Variants in NBAS observed in about 807,000 individuals in gnomAD.
NBAS encodes NBAS subunit of NRZ tethering complex.
In NBAS, 219 loss-of-function variants were observed where a neutral mutation model predicts 302.5. The observed-to-expected ratio is 0.72, with a 90% CI of 0.65 to 0.81. The LOEUF is 0.81. Ranked by LOEUF, NBAS falls within the 30% of genes least tolerant of loss-of-function variation. The pLI, the probability that NBAS is intolerant of heterozygous loss-of-function variation, is 0.00. For missense variants in NBAS, 2,932 were observed against 2,841.6 expected (o/e 1.03, Z -0.72); for synonymous variants, 1,118 against 1,021.6 (o/e 1.09, Z -1.80).
chr2:15,201,601 T>C (rs1665881800), intron 48 of NBAS, among the ~76,000 whole-genome samples: 1 of 152,224 alleles, frequency 6.6e-6, no homozygotes, highest in African/African-American at 2.4e-5. Flanking sequence ...TAGTCTGAAT[T>C]ATTGCTATTA....
At chr2:15,373,547 T>A (rs1674586122) in intron 31 of NBAS, among the ~76,000 whole-genome samples, 1 of 152,132 alleles carries the variant, frequency 6.6e-6, no homozygotes, top group Admixed American at 6.6e-5. Flanking sequence ...CCCAGGCTGG[T>A]CTCAAGCTTT....
At chr2:15,034,235 G>GGAAGGAAA in the NBAS span, among the ~76,000 whole-genome samples, 1 of 81,636 alleles carries the variant, frequency 1.2e-5, no homozygotes, top group African/African-American at 4.5e-5. Flanking sequence ...AAAGAAAGAA[G>GGAAGGAAA]GAAAGAAAGA....
chr2:15,031,780 G>C, the NBAS span, among the ~76,000 whole-genome samples: 1 of 152,218 alleles, frequency 6.6e-6, no homozygotes, highest in Non-Finnish European at 1.5e-5. Context: ...TACTGCACTG[G>C]GCGAGCAAGT....
the NBAS span, among the ~76,000 whole-genome samples, chr2:15,136,443 A>G: frequency 6.6e-6 from 1 of 152,216 alleles, no homozygotes; most frequent in Admixed American, 6.5e-5. Flanking sequence ...GTGATAGACA[A>G]TAGGTCAATG....
intron 11 of NBAS, among the ~76,000 whole-genome samples, chr2:15,500,272 A>T (rs1308924340): frequency 6.6e-6 from 1 of 152,190 alleles, no homozygotes; most frequent in African/African-American, 2.4e-5. Context: ...AACATTCTGA[A>T]GTACTACATA....
chr2:15,320,876 T>C (rs80137130), intron 38 of NBAS, among the ~76,000 whole-genome samples: 34,274 of 152,018 alleles, frequency 0.23, 4,033 homozygotes, highest in Middle Eastern at 0.4. Context: ...ACTTTCTTCA[T>C]AGAATTGGAA....
intron 48 of NBAS, among the ~76,000 whole-genome samples, chr2:15,195,344 G>A (rs1665567140): frequency 6.6e-6 from 1 of 152,176 alleles, no homozygotes; most frequent in Non-Finnish European, 1.5e-5. Flanking sequence ...CTCTCTTGCT[G>A]GGTAAACAAA....
intron 35 of NBAS, among the ~76,000 whole-genome samples, chr2:15,338,773 G>A (rs1672715830): frequency 6.6e-6 from 1 of 151,722 alleles, no homozygotes; most frequent in South Asian, 2.1e-4. Context: ...ACTTTGGGAG[G>A]CTGAAGCAGG....
chr2:14,783,421 T>G, the NBAS span, among the ~76,000 whole-genome samples: 1 of 150,800 alleles, frequency 6.6e-6, no homozygotes, highest in Non-Finnish European at 1.5e-5. Context: ...CTGCACCCAT[T>G]AACTCGTCAT....
In NBAS at chr2:15,337,046, G is replaced by A. The variant is rs116527328; in HGVS notation, c.4180-6281C>T. On this transcript the variant is annotated intron_variant, in intron 35 of 51. Coordinates refer to ENST00000281513, the MANE Select transcript of NBAS (RefSeq NM_015909.4). ...CCTACTAGTTTGGGAGCCTGAGGCA[G>A]GAGGATCACTTCAGGCCAGGAGTTC... Among the ~76,000 whole-genome samples, 415 of 152,314 alleles carry A rather than the reference G, an allele frequency of 2.7e-3. 1 individual carries two copies. Among genetic ancestry groups the A allele is most frequent in the African/African-American group, 9.3e-3 (385 of 41,570 alleles).
intron 44 of NBAS, among the ~76,000 whole-genome samples, chr2:15,269,635 T>A (rs535355777): frequency 3.0e-4 from 45 of 152,330 alleles, no homozygotes; most frequent in Middle Eastern, 3.4e-3. Context: ...TGAGATTTTT[T>A]AAAATATTCT....
chr2:15,333,838 G>C (rs1211612418), intron 35 of NBAS, among the ~76,000 whole-genome samples: 2 of 141,518 alleles, frequency 1.4e-5, no homozygotes. Context: ...ATACAGTGGA[G>C]GTAAAAAAAA....
At chr2:15,289,658 T>C (rs577877056) in intron 41 of NBAS, among the ~76,000 whole-genome samples, 8 of 152,148 alleles carry the variant, frequency 5.3e-5, no homozygotes, top group Non-Finnish European at 1.2e-4. Flanking sequence ...GACATACAGA[T>C]AGTAAAGGAC....
the NBAS span, among the ~76,000 whole-genome samples, chr2:14,808,210 G>A: frequency 3.3e-5 from 5 of 152,170 alleles, no homozygotes; most frequent in Admixed American, 1.3e-4. Context: ...TAAATTCAGA[G>A]AAGTAAATTA....
At chr2:15,027,640 G>T in the NBAS span, among the ~76,000 whole-genome samples, 3 of 151,948 alleles carry the variant, frequency 2.0e-5, no homozygotes, top group Non-Finnish European at 4.4e-5. Flanking sequence ...CTGTGTTCTT[G>T]CATTCACTAA....
chr2:14,914,583 G>A, the NBAS span, among the ~76,000 whole-genome samples: 1 of 152,202 alleles, frequency 6.6e-6, no homozygotes, highest in African/African-American at 2.4e-5. Flanking sequence ...TGCAGGAACA[G>A]ATTGGGGAGG....
the NBAS span, among the ~76,000 whole-genome samples, chr2:15,119,998 A>G: frequency 6.6e-6 from 1 of 152,144 alleles, no homozygotes; most frequent in Non-Finnish European, 1.5e-5. Flanking sequence ...CTCTGCCTCT[A>G]CCAGTGACCC....
intron 35 of NBAS, among the ~76,000 whole-genome samples, chr2:15,349,387 C>T (rs1448610956): frequency 6.6e-6 from 1 of 152,116 alleles, no homozygotes; most frequent in East Asian, 1.9e-4. Context: ...TTTTCACATC[C>T]AATGAGGGAA....
the NBAS span, among the ~76,000 whole-genome samples, chr2:14,928,907 T>C: frequency 1.3e-5 from 2 of 152,160 alleles, no homozygotes; most frequent in Non-Finnish European, 2.9e-5. Flanking sequence ...AATAGAGACC[T>C]GGATTGAAGT....
Sources: allele counts gnomAD v4.1 joint callset (sites outside exome capture counted in the v4.1 genomes callset), GRCh38; gene constraint gnomAD v4.1.1; transcripts MANE v1.5; gene names NCBI Gene and HGNC (gene_info 2026-07-23, HGNC 2026-07-21).